CUL1: variants seen among roughly 807,000 people sequenced by gnomAD.
CUL1 encodes the protein cullin 1.
A neutral mutation model predicts 118.0 loss-of-function variants in CUL1; 24 were observed. That is an observed-to-expected ratio of 0.20 (90% confidence interval 0.15 to 0.29). The LOEUF (loss-of-function observed/expected upper bound fraction) is 0.29, where lower values mean the gene tolerates loss of function less well. Ranked by LOEUF, CUL1 falls within the 10% of genes least tolerant of loss-of-function variation. CUL1 has a pLI of 1.00. For missense variants in CUL1, 361 were observed against 933.8 expected (o/e 0.39, Z 7.99); for synonymous variants, 332 against 340.4 (o/e 0.98, Z 0.27).
At chr7:148,714,898 T>G (rs1157631563) in intron 1 of CUL1, among the ~76,000 whole-genome samples, 1 of 152,170 alleles carries the variant, frequency 6.6e-6, no homozygotes, top group Non-Finnish European at 1.5e-5. Context: ...TTTGTTTGTT[T>G]TGTGTGTGAG....
chr7:148,796,955 C>A (rs777363821), intron 17 of CUL1, among the ~76,000 whole-genome samples: 1 of 152,160 alleles, frequency 6.6e-6, no homozygotes, highest in African/African-American at 2.4e-5. Context: ...CCCATTATGA[C>A]GACAGGACTC....
At chr7:148,770,058 T>C (rs577040082) in intron 9 of CUL1, among the ~76,000 whole-genome samples, 1 of 152,264 alleles carries the variant, frequency 6.6e-6, no homozygotes, top group Non-Finnish European at 1.5e-5. Context: ...TTTTAGGCAC[T>C]GAATAAATGC....
chr7:148,744,275 G>A lies in CUL1; in HGVS notation c.141-9701G>A, dbSNP rs551600863. Among the ~76,000 whole-genome samples, 3 of 151,872 alleles carry A rather than the reference G, an allele frequency of 2.0e-5. No individual in the cohort carries two copies. In the South Asian group the frequency reaches 6.2e-4, roughly 32 times the overall value. Reference sequence around the variant, plus strand: ...ATAATTATTAATAGATTAATTTTAGGCCTACCATTTTGTTTTTTTCTCCCC... The same window carrying A: ...ATAATTATTAATAGATTAATTTTAGACCTACCATTTTGTTTTTTTCTCCCC... On this transcript the variant is annotated intron_variant, in intron 2 of 21. Transcript: ENST00000325222.
rs113366644 is a variant in CUL1 at position 148,800,631 on chromosome 7, T to A, written c.*49T>A. The A allele has an allele frequency of 2.1e-6, 3 of 1,452,512 alleles. No individual in the cohort carries two copies. The highest frequency in any genetic ancestry group is 2.9e-6 in the Non-Finnish European group (3 of 1,041,524). The allele number at this position is 1,452,512 out of a possible 1,614,324, so 90.0% of individuals were successfully genotyped here. On this transcript the variant is annotated 3_prime_UTR_variant, in exon 22 of 22. Transcript: ENST00000325222. This position sits in a 1 kb window ranked among gnomAD's most constrained non-coding sequence, Gnocchi z 4.6. ...GTGACCCGCAGCAAATAGTTCATGT[T>A]GGAAAGAATGAAAACAACTCAAGTT...
intron 9 of CUL1, chr7:148,783,508 C>G: frequency 7.7e-7 from 1 of 1,301,412 alleles, no homozygotes; most frequent in South Asian, 1.5e-5. Context: ...TTTTCATGAT[C>G]TCTTTGAGTT....
intron 6 of CUL1, among the ~76,000 whole-genome samples, 193 bp from the exon 7 acceptor site, chr7:148,760,140 T>C (rs1799787495): frequency 6.6e-6 from 1 of 152,206 alleles, no homozygotes; most frequent in African/African-American, 2.4e-5. Context: ...TTTTTATACG[T>C]CTTGGATTTT....
intron 1 of CUL1, among the ~76,000 whole-genome samples, chr7:148,708,454 C>T (rs912888947): frequency 2.6e-5 from 4 of 152,230 alleles, no homozygotes; most frequent in East Asian, 1.9e-4. Context: ...TCTTTGGCCC[C>T]GCTGTCACCA....
intron 1 of CUL1, among the ~76,000 whole-genome samples, chr7:148,699,533 C>T (rs1320084063): frequency 6.6e-6 from 1 of 152,172 alleles, no homozygotes; most frequent in Non-Finnish European, 1.5e-5. Flanking sequence ...GACGCGTGTT[C>T]CCCTGTGAGC....
At chr7:148,748,945 C>T (rs1412939041) in intron 2 of CUL1, among the ~76,000 whole-genome samples, 1 of 152,172 alleles carries the variant, frequency 6.6e-6, no homozygotes, top group Non-Finnish European at 1.5e-5. Context: ...AATATATACA[C>T]ATCAGATTGA....
chr7:148,743,691 G>A (rs1028606022), intron 2 of CUL1, among the ~76,000 whole-genome samples: 2 of 152,208 alleles, frequency 1.3e-5, no homozygotes, highest in African/African-American at 4.8e-5. Flanking sequence ...ATCGCCGGAG[G>A]CCAAGGCGGG....
chr7:148,700,194 T>C lies in CUL1; in HGVS notation c.-162+1165T>C, dbSNP rs1261206493. 2.0e-5 allele frequency among the ~76,000 whole-genome samples: 3 copies of C among 152,220 alleles called. No individual in the cohort carries two copies. In the East Asian group the frequency reaches 5.8e-4, roughly 29 times the overall value. ...TTTGTTTGCTCTGTGTAATTGCTCT[T>C]TCCTGTAGTAGCATTAAAATCGTCA... On this transcript the variant is annotated intron_variant, in intron 1 of 21. Coordinates refer to ENST00000325222, the MANE Select transcript of CUL1 (RefSeq NM_003592.3).
chr7:148,750,185 T>C (rs1403707859), intron 2 of CUL1, among the ~76,000 whole-genome samples: 1 of 152,076 alleles, frequency 6.6e-6, no homozygotes, highest in African/African-American at 2.4e-5. Context: ...TGATGGAGAA[T>C]AGCAAGTTAG....
At chr7:148,723,579 A>G (rs1229398870) in intron 1 of CUL1, among the ~76,000 whole-genome samples, 2 of 152,152 alleles carry the variant, frequency 1.3e-5, no homozygotes, top group Non-Finnish European at 2.9e-5. Flanking sequence ...TGCTTGTTGC[A>G]GTATTATAAT....
rs552692305 is a variant in CUL1 at position 148,785,810 on chromosome 7, G to A, written c.1299-741G>A. Among the ~76,000 whole-genome samples the A allele has an allele frequency of 7.9e-5, 12 of 152,232 alleles. No homozygotes were observed. The South Asian group carries it at 1.9e-3, about 24-fold the overall frequency. ...CGTGTGTTGGGTGAGTGGAGTCAGG[G>A]AGGCACTAAGTTAAACTGCTCCAAG... On this transcript the variant is annotated intron_variant, in intron 11 of 21. Transcript: ENST00000325222.
intron 17 of CUL1, among the ~76,000 whole-genome samples, chr7:148,794,917 C>T (rs58192610): frequency 0.084 from 12,753 of 152,036 alleles, 672 homozygotes; most frequent in African/African-American, 0.14. Flanking sequence ...CTGCAACCTC[C>T]GCCTCCTGGG....
At chr7:148,723,546 C>G (rs891911803) in intron 1 of CUL1, among the ~76,000 whole-genome samples, 12 of 151,302 alleles carry the variant, frequency 7.9e-5, no homozygotes, top group African/African-American at 2.9e-4. Context: ...CTCAAGTAAG[C>G]AAAAAGTAAA....
rs1343899066 is a variant in CUL1, at chr7:148,798,038, G to A, written c.2030+19G>A. 1 of 1,450,688 alleles carries A rather than the reference G, an allele frequency of 6.9e-7. No homozygotes were observed. Among genetic ancestry groups the A allele is most frequent in the Non-Finnish European group, 9.6e-7 (1 of 1,037,920 alleles). 89.9% of individuals were successfully genotyped at this position (1,450,688 alleles called of 1,614,324 possible). ...ATAAAAAGTAAGAAAAATCTAATAA[G>A]TAGATGGCCCTTGACCATAGACACG... On this transcript the variant is annotated intron_variant, in intron 19 of 21. Transcript: ENST00000325222.
intron 7 of CUL1, among the ~76,000 whole-genome samples, chr7:148,762,880 C>T (rs6944068): frequency 0.014 from 2,079 of 152,334 alleles, 44 homozygotes; most frequent in African/African-American, 0.047. Flanking sequence ...GGCGCGGTGG[C>T]TCACGCCTGT....
At chr7:148,738,197 G>C (rs943885252) in intron 2 of CUL1, among the ~76,000 whole-genome samples, 1 of 152,116 alleles carries the variant, frequency 6.6e-6, no homozygotes, top group South Asian at 2.1e-4. Context: ...TACTGGCTCC[G>C]TCATCCTGCT....
Sources: gnomAD v4.1 joint callset for allele counts (sites outside exome capture counted in the v4.1 genomes callset) on GRCh38, gnomAD v4.1.1 for gene constraint, Gnocchi (gnomAD v3.1) non-coding constraint, MANE v1.5 for transcripts, NCBI Gene and HGNC (gene_info 2026-07-23, HGNC 2026-07-21) for gene names.